Variants in KCTD1 observed in about 807,000 individuals in gnomAD.
The protein encoded by KCTD1 is BTB/POZ domain-containing protein KCTD1.
In KCTD1, 24 loss-of-function variants were observed where a neutral mutation model predicts 66.0. The ratio of observed to expected loss-of-function variants is 0.36; its 90% CI spans 0.26 to 0.51. KCTD1 has a LOEUF of 0.51. Ranked by LOEUF, KCTD1 falls within the 20% of genes least tolerant of loss-of-function variation. The pLI is 0.95. For missense variants in KCTD1, 943 were observed against 1,205.2 expected, an observed-to-expected ratio of 0.78 and a Z score of 3.22; for synonymous variants, 511 against 517.2, an observed-to-expected ratio of 0.99 and a Z score of 0.16.
chr18:26,511,975 A>T (rs1983356716), intron 1 of KCTD1, among the ~76,000 whole-genome samples: 3 of 152,342 alleles, frequency 2.0e-5, no homozygotes, highest in Non-Finnish European at 4.4e-5. Context: ...TTAGCAGGAC[A>T]CATCGGCCTC....
At chr18:26,591,032 A>G (rs1354336052) in intron 1 of KCTD1, among the ~76,000 whole-genome samples, 1 of 152,108 alleles carries the variant, frequency 6.6e-6, no homozygotes, top group Non-Finnish European at 1.5e-5. Context: ...GTATATGAAA[A>G]TCACTGAATT....
At chr18:26,621,650 C>T (rs1364925311) in intron 1 of KCTD1, among the ~76,000 whole-genome samples, 1 of 152,152 alleles carries the variant, frequency 6.6e-6, no homozygotes, top group African/African-American at 2.4e-5. Context: ...CCGCGGTGAA[C>T]GCCAACCTGT....
intron 1 of KCTD1, among the ~76,000 whole-genome samples, chr18:26,583,276 C>G (rs1313329923): frequency 6.6e-6 from 1 of 151,466 alleles, no homozygotes; most frequent in Non-Finnish European, 1.5e-5. Flanking sequence ...CGCCTGTAAT[C>G]CCAGCTACTC....
intron 4 of KCTD1, chr18:26,458,079 T>C (rs1980194211): frequency 6.6e-6 from 1 of 152,342 alleles, no homozygotes; most frequent in Non-Finnish European, 1.5e-5. Context: ...TGAGGCCGTC[T>C]CAGGAACGCT....
upstream of KCTD1, among the ~76,000 whole-genome samples, chr18:26,633,288 C>T (rs1241336747): frequency 1.3e-5 from 2 of 152,038 alleles, no homozygotes; most frequent in African/African-American, 4.8e-5. Flanking sequence ...AAAATTAAAT[C>T]CCTGTTTTAT....
chr18:26,571,658 C>A (rs1598946713), intron 1 of KCTD1, among the ~76,000 whole-genome samples: 1 of 151,322 alleles, frequency 6.6e-6, no homozygotes, highest in Non-Finnish European at 1.5e-5. Flanking sequence ...AGAATATTTT[C>A]AATGTGAGGT....
chr18:26,645,678 A>G (rs1485433777), intron 1 of KCTD1, among the ~76,000 whole-genome samples: 4 of 152,178 alleles, frequency 2.6e-5, no homozygotes, highest in Admixed American at 2.6e-4. Context: ...GTTTACAGGC[A>G]TGAGCTGCCG....
rs140464328 is a variant in KCTD1, at chr18:26,539,721, G to A, written c.1809+7007C>T. Among the ~76,000 whole-genome samples the A allele has an allele frequency of 3.0e-4, 46 of 152,256 alleles. 1 individual carries two copies. The highest frequency in any genetic ancestry group is 7.9e-4 in the African/African-American group (33 of 41,528). ...CCACTCACTGACCCATAACAGCCAG[G>A]AATGTGGAAATAATTCATGTTTCTA... On this transcript the variant is annotated intron_variant, in intron 1 of 4. Transcript: ENST00000580059.
chr18:26,477,262 G>C (rs941183938), intron 2 of KCTD1, among the ~76,000 whole-genome samples: 1 of 152,066 alleles, frequency 6.6e-6, no homozygotes, highest in South Asian at 2.1e-4. Flanking sequence ...TAACAGCCAG[G>C]CACCATTACA....
chr18:26,637,503 A>G (rs1987748823), intron 1 of KCTD1, among the ~76,000 whole-genome samples: 1 of 152,316 alleles, frequency 6.6e-6, no homozygotes, highest in South Asian at 2.1e-4. Context: ...GGGTCAGCCC[A>G]CCTAGTGTGG....
At chr18:26,585,040 T>C (rs1020791233) in intron 1 of KCTD1, among the ~76,000 whole-genome samples, 2 of 152,106 alleles carry the variant, frequency 1.3e-5, no homozygotes, top group East Asian at 3.9e-4. Flanking sequence ...CTTCTGACTT[T>C]GGGTGACGCC....
At chr18:26,549,281 C>T (rs887893190), upstream of KCTD1, 14 of 985,160 alleles carry the variant, frequency 1.4e-5, no homozygotes, top group South Asian at 9.3e-5. Context: ...GGGCCAGCCG[C>T]GCGGCTCCCA....
At chr18:26,624,973 T>C (rs1276763769) in intron 1 of KCTD1, among the ~76,000 whole-genome samples, 1 of 152,178 alleles carries the variant, frequency 6.6e-6, no homozygotes, top group East Asian at 1.9e-4. Flanking sequence ...TCAAAGGAGA[T>C]CATTTTGGAA....
intron 1 of KCTD1, among the ~76,000 whole-genome samples, chr18:26,639,105 C>T (rs1568017532): frequency 1.3e-5 from 2 of 152,176 alleles, no homozygotes; most frequent in Non-Finnish European, 2.9e-5. Context: ...AACATCTCCC[C>T]ACAGAAAAGC....
chr18:26,573,088 C>A (rs920423396), intron 1 of KCTD1, among the ~76,000 whole-genome samples: 1 of 149,194 alleles, frequency 6.7e-6, no homozygotes, highest in African/African-American at 2.5e-5. Context: ...ATGGCAATAA[C>A]CCCTTTTTAT....
At chr18:26,494,404 A>G (rs2144661211) in intron 2 of KCTD1, among the ~76,000 whole-genome samples, 1 of 152,214 alleles carries the variant, frequency 6.6e-6, no homozygotes, top group East Asian at 1.9e-4. Context: ...ACAAAAACAA[A>G]CACAATAGAG....
chr18:26,650,148 G>A (rs941109453), intron 1 of KCTD1, among the ~76,000 whole-genome samples: 30 of 152,142 alleles, frequency 2.0e-4, no homozygotes, highest in African/African-American at 7.0e-4. Context: ...TGCTTCCCCA[G>A]ATCAAATTTG....
chr18:26,606,022 A>G (rs888640541), intron 1 of KCTD1, among the ~76,000 whole-genome samples: 2 of 152,000 alleles, frequency 1.3e-5, no homozygotes, highest in African/African-American at 2.4e-5. Context: ...CATTGGTTCA[A>G]TCTGGAAGGG....
Position 26,476,401 on chromosome 18 carries a change from T to C in KCTD1, c.2133+114A>G. On this transcript the variant is annotated intron_variant, in intron 3 of 4. Transcript: ENST00000580059. The surrounding 1 kb of genome is among the most constrained non-coding windows in gnomAD (Gnocchi z 4.9). ...AATAGTGAACCATGTCAAAGAGAAC[T>C]CTGGCACCTTTCGAGTTGGTGTATG... is the stretch of plus-strand genomic sequence containing the variant. 3 of 963,378 alleles carry C rather than the reference T, an allele frequency of 3.1e-6. No homozygotes were observed. Among genetic ancestry groups the C allele is most frequent in the South Asian group, 1.8e-5 (1 of 55,206 alleles). 59.7% of individuals were successfully genotyped at this position (963,378 alleles called of 1,614,324 possible). A position where few individuals can be genotyped will look rare whatever the true frequency, so the allele number is the denominator to read the frequency against.
Sources: gnomAD v4.1 joint callset for allele counts (sites outside exome capture counted in the v4.1 genomes callset) on GRCh38, gnomAD v4.1.1 for gene constraint, Gnocchi (gnomAD v3.1) non-coding constraint, MANE v1.5 for transcripts, NCBI Gene and HGNC (gene_info 2026-07-23, HGNC 2026-07-21) for gene names.